SNURF: variants seen among roughly 807,000 people sequenced by gnomAD.
SNURF encodes SNRPN upstream open reading frame.
SNURF carries 6 observed loss-of-function variants against 11.6 expected under a neutral mutation model. That is an observed-to-expected ratio of 0.52 (90% CI 0.28 to 1.02). The LOEUF (loss-of-function observed/expected upper bound fraction) is 1.02, where lower values mean the gene tolerates loss of function less well. Among genes scored for constraint, SNURF ranks in the 50% least tolerant of loss-of-function variants. SNURF has a pLI of 0.09. For synonymous variants in SNURF, 29 were observed against 31.6 expected (o/e 0.92, Z 0.27); for missense variants, 84 against 88.4 (o/e 0.95, Z 0.20).
intron 5 of SNURF, among the ~76,000 whole-genome samples, chr15:24,976,573 C>A (rs77138664): frequency 6.6e-6 from 1 of 152,126 alleles, no homozygotes; most frequent in Admixed American, 6.5e-5. Context: ...CTATGCTATT[C>A]GGGATTAGGG....
chr15:24,957,507 A>C (rs2063124115), intron 1 of SNURF, among the ~76,000 whole-genome samples: 2 of 152,198 alleles, frequency 1.3e-5, no homozygotes, highest in Non-Finnish European at 2.9e-5. Context: ...TTTTTAAAAA[A>C]TCATTTTATT....
At chr15:24,966,550 CTTTG>C (rs1356472540) in intron 2 of SNURF, among the ~76,000 whole-genome samples, 4 of 152,202 alleles carry the variant, frequency 2.6e-5, no homozygotes, top group Non-Finnish European at 2.9e-5. Context: ...ACCCTTTAGT[CTTTG>C]TTTGATCTTT....
chr15:24,974,312 C>T, intron 3 of SNURF: 1 of 753,294 alleles, frequency 1.3e-6, no homozygotes, highest in Admixed American at 1.9e-5. Flanking sequence ...CCTCTGCAGG[C>T]TCCATCTACT....
At chr15:24,967,828 A>G in intron 2 of SNURF, 104 bp from the exon 3 acceptor site, 4 of 819,912 alleles carry the variant, frequency 4.9e-6, no homozygotes, top group Non-Finnish European at 7.6e-6. Flanking sequence ...AAAAAAAAAA[A>G]GGAATATCTT....
At chr15:24,978,145 T>G, downstream of SNURF, 4 of 1,591,104 alleles carry the variant, frequency 2.5e-6, no homozygotes, top group African/African-American at 1.3e-5. Context: ...ATTCTAACTT[T>G]TCTAAGCCAT....
chr15:24,961,640 G>T lies in SNURF; in HGVS notation c.15-474G>T, dbSNP rs192610357. 1.4e-4 allele frequency among the ~76,000 whole-genome samples: 21 copies of T among 151,672 alleles called. No homozygotes were observed. The East Asian group carries it at 2.5e-3, about 18-fold the overall frequency. On this transcript the variant is annotated intron_variant, in intron 1 of 2. Transcript: ENST00000577949. ...GCAAATCCTAAAGAAAGCACCATTT[G>T]CATGTTTTTTTAAAGTAGATATTTT...
intron 1 of SNURF, among the ~76,000 whole-genome samples, chr15:24,960,236 A>G (rs2074546823): frequency 6.6e-6 from 1 of 152,174 alleles, no homozygotes; most frequent in Non-Finnish European, 1.5e-5. Flanking sequence ...CATGATTAAC[A>G]TTTTTAGGAA....
At chr15:24,977,923 G>A (rs1389088151), downstream of SNURF, 3 of 1,554,096 alleles carry the variant, frequency 1.9e-6, no homozygotes, top group Non-Finnish European at 2.6e-6. Context: ...CCAGGTAAGG[G>A]ATTGGTGAAC....
At chr15:24,964,095 T>A (rs1044531398) in intron 2 of SNURF, among the ~76,000 whole-genome samples, 1 of 114,600 alleles carries the variant, frequency 8.7e-6, no homozygotes, top group Non-Finnish European at 1.7e-5. Flanking sequence ...AGGGTAAAGA[T>A]TTTTTTTTTA....
intron 2 of SNURF, among the ~76,000 whole-genome samples, chr15:24,962,481 G>A (rs2074987618): frequency 6.6e-6 from 1 of 152,120 alleles, no homozygotes; most frequent in Admixed American, 6.6e-5. Context: ...TTCAACATAA[G>A]CATACTTAAA....
At chr15:24,956,178 G>A (rs1390422111) in intron 1 of SNURF, among the ~76,000 whole-genome samples, 1 of 152,186 alleles carries the variant, frequency 6.6e-6, no homozygotes, top group East Asian at 1.9e-4. Flanking sequence ...TCTTTTGACT[G>A]ATAGGCCAGG....
chr15:24,974,908 C>T (rs1274446044), intron 3 of SNURF: 1 of 702,624 alleles, frequency 1.4e-6, no homozygotes, highest in Admixed American at 2.0e-5. Flanking sequence ...AGTTTTTGGT[C>T]ATGATTCCAC....
At chr15:24,958,486 G>GT (rs71127030) in intron 1 of SNURF, among the ~76,000 whole-genome samples, 2,053 of 65,192 alleles carry the variant, frequency 0.031, 203 homozygotes, top group Non-Finnish European at 0.037. Context: ...CTGGCTCAAA[G>GT]TTTTTTTTTT....
downstream of SNURF, among the ~76,000 whole-genome samples, chr15:24,972,888 C>G (rs1036916342): frequency 6.6e-6 from 1 of 151,862 alleles, no homozygotes; most frequent in African/African-American, 2.4e-5. Context: ...CTCTCTCTTC[C>G]CCACCACCCC....
At chr15:24,959,182 T>C (rs1239074458) in intron 1 of SNURF, among the ~76,000 whole-genome samples, 2 of 152,242 alleles carry the variant, frequency 1.3e-5, no homozygotes, top group African/African-American at 4.8e-5. Context: ...TTCTATATGA[T>C]GATTTTTTCA....
chr15:24,959,858 G>T (rs772337026), intron 1 of SNURF, among the ~76,000 whole-genome samples: 4 of 152,170 alleles, frequency 2.6e-5, no homozygotes, highest in Admixed American at 1.3e-4. Flanking sequence ...TTAATACAAA[G>T]AATTAGTTTC....
chr15:24,958,118 A>G (rs2063215730), intron 1 of SNURF, among the ~76,000 whole-genome samples: 1 of 152,154 alleles, frequency 6.6e-6, no homozygotes, highest in Non-Finnish European at 1.5e-5. Context: ...CCAGTGTGTC[A>G]TTGCCGAAAT....
chr15:24,970,128 G>A (rs943367555), downstream of SNURF, among the ~76,000 whole-genome samples: 6 of 152,182 alleles, frequency 3.9e-5, no homozygotes, highest in Admixed American at 2.0e-4. Flanking sequence ...TTACAGCGTA[G>A]ACAATCAGAT....
intron 4 of SNURF, among the ~76,000 whole-genome samples, chr15:24,976,066 T>TTGTAG (rs1412424763): frequency 1.6e-4 from 25 of 152,358 alleles, no homozygotes; most frequent in African/African-American, 5.5e-4. Context: ...ATTAGTCTTG[T>TTGTAG]TGTAGTGTAA....
Sources: gnomAD v4.1 joint callset for allele counts (sites outside exome capture counted in the v4.1 genomes callset) on GRCh38, gnomAD v4.1.1 for gene constraint, MANE v1.5 for transcripts, NCBI Gene and HGNC (gene_info 2026-07-23, HGNC 2026-07-21) for gene names.